TENM3: variants seen among roughly 807,000 people sequenced by gnomAD.
TENM3 encodes teneurin-3.
In TENM3, 63 loss-of-function variants were observed where a neutral mutation model predicts 255.1. That is an observed-to-expected ratio of 0.25 (90% CI 0.20 to 0.30). TENM3 has a LOEUF of 0.30. Ranked by LOEUF, TENM3 falls within the 10% of genes least tolerant of loss-of-function variation. The pLI is 1.00. For missense variants in TENM3, 2,929 were observed against 3,461.1 expected, an observed-to-expected ratio of 0.85 and a Z score of 3.86; for synonymous variants, 1,306 against 1,322.3, an observed-to-expected ratio of 0.99 and a Z score of 0.27.
At chr4:182,312,458 C>T (rs959455384) in intron 1 of TENM3, among the ~76,000 whole-genome samples, 5 of 152,072 alleles carry the variant, frequency 3.3e-5, no homozygotes, top group African/African-American at 7.2e-5. Flanking sequence ...CATGTTCAGC[C>T]GAAGATGGAA....
intron 3 of TENM3, among the ~76,000 whole-genome samples, chr4:182,549,293 G>A (rs976534606): frequency 1.3e-5 from 2 of 152,208 alleles, no homozygotes; most frequent in South Asian, 2.1e-4. Flanking sequence ...GAAAATTCAC[G>A]ATTTGGAAAC....
intron 1 of TENM3, among the ~76,000 whole-genome samples, chr4:182,188,947 A>G (rs553170226): frequency 3.9e-5 from 6 of 152,132 alleles, no homozygotes; most frequent in Non-Finnish European, 8.8e-5. Context: ...GCTGTATAGT[A>G]TAATTGAGAG....
chr4:182,037,956 C>T, the TENM3 span, among the ~76,000 whole-genome samples: 1 of 152,164 alleles, frequency 6.6e-6, no homozygotes, highest in Non-Finnish European at 1.5e-5. Context: ...GTTAGCCTCC[C>T]AAGTAGCTGG....
At chr4:182,499,765 G>A (rs1396407004) in intron 3 of TENM3, among the ~76,000 whole-genome samples, 3 of 152,058 alleles carry the variant, frequency 2.0e-5, no homozygotes, top group East Asian at 3.9e-4. Flanking sequence ...ATTTTCTAAC[G>A]AACTGAAAAT....
chr4:182,645,581 G>A (rs753350798), intron 5 of TENM3, among the ~76,000 whole-genome samples: 2 of 152,154 alleles, frequency 1.3e-5, no homozygotes, highest in Non-Finnish European at 2.9e-5. Flanking sequence ...AGTCTGTAAG[G>A]TTAAGTTTAC....
chr4:181,527,804 C>CTT, the TENM3 span, among the ~76,000 whole-genome samples: 2 of 150,960 alleles, frequency 1.3e-5, no homozygotes, highest in Non-Finnish European at 3.0e-5. Context: ...TGCTTGTAGT[C>CTT]TTTTTTTTCG....
chr4:181,495,902 T>TAAAAAAAAAAAAAAAA, the TENM3 span, among the ~76,000 whole-genome samples: 1 of 116,880 alleles, frequency 8.6e-6, no homozygotes, highest in Non-Finnish European at 1.7e-5. Context: ...AGAGACAAAT[T>TAAAAAAAAAAAAAAAA]AAAAAAAAAA....
chr4:181,738,573 A>G, the TENM3 span, among the ~76,000 whole-genome samples: 1 of 151,940 alleles, frequency 6.6e-6, no homozygotes, highest in Non-Finnish European at 1.5e-5. Flanking sequence ...TTTCTTCACT[A>G]TTTCTAAGAT....
intron 4 of TENM3, among the ~76,000 whole-genome samples, chr4:182,615,739 AAAAG>A (rs1362416094): frequency 6.6e-6 from 1 of 152,152 alleles, no homozygotes; most frequent in South Asian, 2.1e-4. Context: ...TGAAAAAAAA[AAAAG>A]AGTGAGATGA....
At chr4:181,621,852 C>T in the TENM3 span, among the ~76,000 whole-genome samples, 2,884 of 152,232 alleles carry the variant, frequency 0.019, 46 homozygotes, top group Middle Eastern at 0.061. Context: ...GTCATGGTTA[C>T]AAAGCTTAAG....
the TENM3 span, among the ~76,000 whole-genome samples, chr4:181,983,239 A>G: frequency 6.6e-6 from 1 of 152,148 alleles, no homozygotes; most frequent in Non-Finnish European, 1.5e-5. Context: ...TCTGCATGTT[A>G]CATGCCCAGC....
At chr4:181,788,691 C>T in the TENM3 span, among the ~76,000 whole-genome samples, 4 of 152,134 alleles carry the variant, frequency 2.6e-5, no homozygotes, top group East Asian at 3.9e-4. Flanking sequence ...TGGAATCGCT[C>T]GAGCGATCTT....
chr4:181,959,826 C>T, the TENM3 span, among the ~76,000 whole-genome samples: 6 of 152,170 alleles, frequency 3.9e-5, no homozygotes, highest in East Asian at 1.2e-3. Context: ...GAGTCACATA[C>T]CACTTAAATT....
chr4:182,624,120 G>A (rs1750591447), intron 4 of TENM3, among the ~76,000 whole-genome samples: 1 of 152,150 alleles, frequency 6.6e-6, no homozygotes, highest in Admixed American at 6.5e-5. Flanking sequence ...GCCAGGAGCA[G>A]GGCCTTCATC....
intron 1 of TENM3, among the ~76,000 whole-genome samples, chr4:182,290,793 G>A (rs1367162114): frequency 6.1e-5 from 9 of 147,024 alleles, no homozygotes; most frequent in African/African-American, 7.5e-5. Context: ...GTGAGCCACC[G>A]TGCCCGGCCA....
intron 3 of TENM3, among the ~76,000 whole-genome samples, chr4:182,367,364 G>T (rs1266741091): frequency 1.3e-5 from 2 of 152,200 alleles, no homozygotes; most frequent in Non-Finnish European, 2.9e-5. Context: ...TGAACGTTGT[G>T]CCAAGAGGTC....
intron 3 of TENM3, among the ~76,000 whole-genome samples, chr4:182,521,069 C>T (rs1738513283): frequency 6.6e-6 from 1 of 152,144 alleles, no homozygotes; most frequent in African/African-American, 2.4e-5. Context: ...AGATTTGCAT[C>T]AGAAAGGTAA....
intron 3 of TENM3, among the ~76,000 whole-genome samples, chr4:182,397,630 A>G (rs189059659): frequency 2.9e-4 from 44 of 152,156 alleles, no homozygotes; most frequent in Admixed American, 9.2e-4. Flanking sequence ...CGGGGCTACT[A>G]CCGTAACAAG....
chr4:181,486,989 T>C, the TENM3 span, among the ~76,000 whole-genome samples: 1 of 152,204 alleles, frequency 6.6e-6, no homozygotes, highest in South Asian at 2.1e-4. Context: ...ATGGATGGAA[T>C]GTAGCCAAAA....
Sources: allele counts gnomAD v4.1 joint callset (sites outside exome capture counted in the v4.1 genomes callset), GRCh38; gene constraint gnomAD v4.1.1; transcripts MANE v1.5; gene names NCBI Gene and HGNC (gene_info 2026-07-23, HGNC 2026-07-21).